Variants in RPS6KB1 observed in about 807,000 individuals in gnomAD.
RPS6KB1 encodes the protein ribosomal protein S6 kinase B1, also known as ribosomal protein S6 kinase beta-1.
A neutral mutation model predicts 70.2 loss-of-function variants in RPS6KB1; 12 were observed. That is an observed-to-expected ratio of 0.17 (90% confidence interval 0.11 to 0.28). The LOEUF is 0.28. RPS6KB1 is among the 10% of genes least tolerant of loss of function. The probability of loss-of-function intolerance (pLI) is 1.00; values close to 1 mark genes in which losing one functional copy is unlikely to be tolerated. For missense variants in RPS6KB1, 270 were observed against 646.6 expected (o/e 0.42, Z 6.32); for synonymous variants, 175 against 211.2 (o/e 0.83, Z 1.49).
At chr17:59,895,819 G>A (rs1488591897) in intron 1 of RPS6KB1, among the ~76,000 whole-genome samples, 2 of 151,892 alleles carry the variant, frequency 1.3e-5, no homozygotes, top group African/African-American at 2.4e-5. Context: ...TTTTAGTAGA[G>A]ATGGGGTTTC....
chr17:59,930,222 A>C (rs1256049997), intron 6 of RPS6KB1, 48 bp downstream of exon 6: 4 of 1,038,176 alleles, frequency 3.9e-6, no homozygotes. Flanking sequence ...TTACAAGCAA[A>C]GCCCCATTCC....
chr17:59,926,839 C>T (rs2043635319), intron 5 of RPS6KB1, among the ~76,000 whole-genome samples: 2 of 151,976 alleles, frequency 1.3e-5, no homozygotes, highest in Admixed American at 6.6e-5. Context: ...AACAGAAAAA[C>T]GAATACCTAA....
At chr17:59,939,225 T>A (rs898167064) in intron 12 of RPS6KB1, among the ~76,000 whole-genome samples, 12 of 152,250 alleles carry the variant, frequency 7.9e-5, no homozygotes, top group Non-Finnish European at 1.5e-4. Flanking sequence ...TATGAACTTA[T>A]ATGTTTTAAC....
At chr17:59,915,399 G>A (rs2042883342) in intron 4 of RPS6KB1, among the ~76,000 whole-genome samples, 1 of 152,008 alleles carries the variant, frequency 6.6e-6, no homozygotes, top group Admixed American at 6.6e-5. Flanking sequence ...GAGAGCTCTT[G>A]CAATTCTTTG....
chr17:59,916,787 C>CACTAGTA (rs1462382552), intron 4 of RPS6KB1, among the ~76,000 whole-genome samples: 1 of 152,062 alleles, frequency 6.6e-6, no homozygotes, highest in East Asian at 1.9e-4. Flanking sequence ...AGTTTATGTC[C>CACTAGTA]TTGTTTTGGT....
rs1014329134 is a variant in RPS6KB1, at chr17:59,919,601, C to T, written c.381+4898C>T. ...AAGATGGAGATCTTACCTCTCAACA[C>T]GCGGACTTTCACTAAACTCGAGTTT... On this transcript the variant is annotated intron_variant, in intron 4 of 14. Coordinates refer to ENST00000225577, the MANE Select transcript of RPS6KB1 (RefSeq NM_003161.4). 1.5e-3 allele frequency among the ~76,000 whole-genome samples: 231 copies of T among 152,154 alleles called. 1 individual carries two copies. The highest frequency in any genetic ancestry group is 5.3e-3 in the African/African-American group (219 of 41,516).
intron 1 of RPS6KB1, among the ~76,000 whole-genome samples, chr17:59,900,488 C>A (rs2041868672): frequency 6.6e-6 from 1 of 152,048 alleles, no homozygotes; most frequent in South Asian, 2.1e-4. Context: ...TCCTCAGCCT[C>A]CTGAGTAGCT....
intron 4 of RPS6KB1, among the ~76,000 whole-genome samples, chr17:59,918,095 G>T (rs540426451): frequency 2.0e-5 from 3 of 151,866 alleles, no homozygotes; most frequent in Non-Finnish European, 4.4e-5. Flanking sequence ...CACCATGCCC[G>T]GCTAATTTTG....
Position 59,902,100 on chromosome 17 carries a change from C to CT in RPS6KB1, c.142-8440dup, listed in dbSNP as rs35721755. ...GACCTTTTATATTTGGTGGCTTTCA[C>CT]TTTTTTTTTTTTTTTTTTTTTTGAG... On this transcript the variant is annotated intron_variant, in intron 1 of 14. Coordinates refer to ENST00000225577, the MANE Select transcript of RPS6KB1 (RefSeq NM_003161.4). 6.6e-3 allele frequency among the ~76,000 whole-genome samples: 541 copies of CT among 81,632 alleles called. 20 individuals are homozygous for CT. Among genetic ancestry groups the CT allele is most frequent in the South Asian group, 0.02 (45 of 2,302 alleles). 53.6% of individuals were successfully genotyped at this position (81,632 alleles called of 152,430 possible).
In RPS6KB1 at chr17:59,936,256, T is replaced by A; in HGVS notation, c.1020T>A (p.Pro340=). The change falls in exon 11 of 15, where the codon CCT becomes CCA. Residue 340 remains proline, a synonymous_variant. Transcript: ENST00000225577. The part of the protein sequence containing the change: ...RNAASRLGAG[P]GDAGEVQAHP... ...CTGCTTCTCGTCTGGGAGCTGGTCC[T>A]GGGGACGCTGGAGAAGTTCAAGTAG... 6.3e-7 allele frequency: 1 copy of A among 1,597,378 alleles called. No individual in the cohort carries two copies. Among genetic ancestry groups the A allele is most frequent in the Admixed American group, 1.9e-5 (1 of 53,942 alleles).
chr17:59,927,280 C>T (rs1210011312), intron 5 of RPS6KB1, among the ~76,000 whole-genome samples: 1 of 151,794 alleles, frequency 6.6e-6, no homozygotes, highest in East Asian at 1.9e-4. Flanking sequence ...GATGGGGTTT[C>T]ACCATGTTGG....
rs1440965791 is a variant in RPS6KB1 at position 59,948,067 on chromosome 17, G to A, written c.*1279G>A. The stretch of plus-strand genomic sequence containing the variant: ...TGTCTTCCACAGTAAAGAAAACTTA[G>A]TGGCTTAATTTAGGAAACATGTTAA... On this transcript the variant is annotated 3_prime_UTR_variant, in exon 15 of 15. Coordinates refer to ENST00000225577, the MANE Select transcript of RPS6KB1 (RefSeq NM_003161.4). 6.5e-6 allele frequency: 1 copy of A among 153,762 alleles called. No homozygotes were observed. The highest frequency in any genetic ancestry group is 1.9e-4 in the East Asian group (1 of 5,256). 9.5% of individuals were successfully genotyped at this position (153,762 alleles called of 1,614,324 possible).
chr17:59,907,459 C>T (rs556857939), intron 1 of RPS6KB1: 1 of 151,984 alleles, frequency 6.6e-6, no homozygotes, highest in South Asian at 2.1e-4. Flanking sequence ...CATGGAATGC[C>T]TTTCCATTTA....
chr17:59,914,770 C>T (rs2042841919), intron 4 of RPS6KB1, 67 bp downstream of exon 4: 1 of 1,176,760 alleles, frequency 8.5e-7, no homozygotes, highest in Non-Finnish European at 1.2e-6. Context: ...AGCCAAAAGG[C>T]TGGGAAGCAA....
At chr17:59,918,433 G>A (rs990519521) in intron 4 of RPS6KB1, among the ~76,000 whole-genome samples, 4 of 149,958 alleles carry the variant, frequency 2.7e-5, no homozygotes, top group Non-Finnish European at 5.9e-5. Flanking sequence ...GCAGTGGTGC[G>A]ATCTTGGCTC....
At chr17:59,898,961 G>A (rs1365591455) in intron 1 of RPS6KB1, among the ~76,000 whole-genome samples, 1 of 151,722 alleles carries the variant, frequency 6.6e-6, no homozygotes, top group Non-Finnish European at 1.5e-5. Context: ...CCAGCACTTT[G>A]GGAGGCCAAG....
At chr17:59,913,087 T>C (rs2042742841) in intron 3 of RPS6KB1, among the ~76,000 whole-genome samples, 1 of 152,194 alleles carries the variant, frequency 6.6e-6, no homozygotes, top group South Asian at 2.1e-4. Flanking sequence ...AAGGGTTCAT[T>C]CTTTACTTTG....
chr17:59,929,367 G>A (rs1444859611), intron 5 of RPS6KB1, among the ~76,000 whole-genome samples: 1 of 152,198 alleles, frequency 6.6e-6, no homozygotes, highest in Non-Finnish European at 1.5e-5. Flanking sequence ...CCAAAGTGTA[G>A]GGATTACAGG....
chr17:59,944,485 T>C (rs2044803208), intron 13 of RPS6KB1, among the ~76,000 whole-genome samples: 2 of 152,154 alleles, frequency 1.3e-5, no homozygotes, highest in Non-Finnish European at 2.9e-5. Context: ...CTTGAGGGGC[T>C]GAGGTGGGAG....
Sources: allele counts gnomAD v4.1 joint callset (sites outside exome capture counted in the v4.1 genomes callset), GRCh38; gene constraint gnomAD v4.1.1; transcripts MANE v1.5; gene names NCBI Gene and HGNC (gene_info 2026-07-23, HGNC 2026-07-21).